Variants in RAPGEF6 observed in about 807,000 individuals in gnomAD.
The protein encoded by RAPGEF6 is Rap guanine nucleotide exchange factor 6.
A neutral mutation model predicts 171.4 loss-of-function variants in RAPGEF6; 56 were observed. The observed-to-expected ratio is 0.33, with a 90% CI of 0.26 to 0.41. The LOEUF (loss-of-function observed/expected upper bound fraction) is 0.41, where lower values mean the gene tolerates loss of function less well. RAPGEF6 is among the 10% of genes least tolerant of loss of function. RAPGEF6 has a pLI of 1.00. For synonymous variants in RAPGEF6, 692 were observed against 650.1 expected, an observed-to-expected ratio of 1.06 and a Z score of -0.98; for missense variants, 1,674 against 1,921.4, an observed-to-expected ratio of 0.87 and a Z score of 2.41.
At position 131,510,755 on chromosome 5, in the gene RAPGEF6, C is replaced by T. The variant is rs374503812; in HGVS notation, c.628-264G>A. Among the ~76,000 whole-genome samples, 7 of 152,292 alleles carry T rather than the reference C, an allele frequency of 4.6e-5. No individual in the cohort carries two copies. In the South Asian group the frequency reaches 8.3e-4, roughly 18 times the overall value. ...AAATGGTCAGGAGACTCAAACATCACTAAATGTATTAATATCTGTTTTCCA... is the reference window on the plus strand; with the variant it reads ...AAATGGTCAGGAGACTCAAACATCATTAAATGTATTAATATCTGTTTTCCA... On this transcript the variant is annotated intron_variant, in intron 7 of 27. Transcript: ENST00000509018.
chr5:131,471,741 CA>C (rs3836731), intron 17 of RAPGEF6, among the ~76,000 whole-genome samples: 33,230 of 148,518 alleles, frequency 0.22, 3,972 homozygotes, highest in East Asian at 0.5. Context: ...TGAATAGACG[CA>C]AAAAAAAAAT....
intron 1 of RAPGEF6, among the ~76,000 whole-genome samples, chr5:131,631,628 T>C (rs1297248226): frequency 6.6e-6 from 1 of 152,192 alleles, no homozygotes; most frequent in African/African-American, 2.4e-5. Context: ...CTACAGTCTA[T>C]TCTCAACACA....
chr5:131,473,323 C>G (rs911991148), intron 16 of RAPGEF6, among the ~76,000 whole-genome samples: 1 of 152,104 alleles, frequency 6.6e-6, no homozygotes, highest in East Asian at 1.9e-4. Context: ...TCTAAGGGTA[C>G]ATTATTTCTT....
In RAPGEF6 at chr5:131,431,327, G is replaced by A. The variant is rs375571719; in HGVS notation, c.3997C>T (p.Leu1333=). Residue 1333 remains leucine (L), a synonymous_variant, in exon 26 of 28, where the codon CTA becomes TTA. Coordinates refer to ENST00000509018, the MANE Select transcript of RAPGEF6 (RefSeq NM_016340.6). ...GATGAGACAGCTAAACACTTGATTA[G>A]AGATGGCTTCAAGAGTGTCCACCTA... ...GPGWTLLKPS[L]IKCLAVSSSV... is the part of the protein sequence containing the mutation. 16 of 1,606,924 alleles carry A rather than the reference G, an allele frequency of 1.0e-5. No homozygotes were observed. In the Admixed American group the frequency reaches 2.3e-4, roughly 24 times the overall value.
intron 23 of RAPGEF6, chr5:131,440,228 A>T (rs547987843): frequency 2.3e-4 from 106 of 456,412 alleles, no homozygotes; most frequent in African/African-American, 1.6e-3. Context: ...CTAAATTCAC[A>T]CTACAGGAGA....
chr5:131,611,704 T>C (rs1040207458), intron 1 of RAPGEF6, among the ~76,000 whole-genome samples: 9 of 152,192 alleles, frequency 5.9e-5, no homozygotes, highest in African/African-American at 1.9e-4. Flanking sequence ...TAGAGGCTTT[T>C]TGGTTTATTG....
At chr5:131,526,760 C>T (rs898777796) in intron 6 of RAPGEF6, among the ~76,000 whole-genome samples, 3 of 152,286 alleles carry the variant, frequency 2.0e-5, no homozygotes, top group Admixed American at 1.3e-4. Flanking sequence ...GACAAAACTT[C>T]CCATTTTCCA....
At chr5:131,499,181 G>A (rs1041193106) in intron 11 of RAPGEF6, among the ~76,000 whole-genome samples, 1 of 152,208 alleles carries the variant, frequency 6.6e-6, no homozygotes, top group Middle Eastern at 3.4e-3. Flanking sequence ...CTCTCATACA[G>A]TTTCCTCTCC....
chr5:131,488,375 G>C (rs1191225426), intron 15 of RAPGEF6, among the ~76,000 whole-genome samples: 2 of 152,172 alleles, frequency 1.3e-5, no homozygotes, highest in African/African-American at 4.8e-5. Flanking sequence ...AATAGTGCTA[G>C]AGAAACTGAA....
At chr5:131,513,355 A>C (rs933488178) in intron 7 of RAPGEF6, among the ~76,000 whole-genome samples, 1 of 152,166 alleles carries the variant, frequency 6.6e-6, no homozygotes, top group African/African-American at 2.4e-5. Context: ...TATTTTATCA[A>C]TTTTTAAGTG....
At chr5:131,522,034 T>G (rs11746464) in intron 6 of RAPGEF6, among the ~76,000 whole-genome samples, 66,513 of 152,012 alleles carry the variant, frequency 0.44, 17,627 homozygotes, top group Non-Finnish European at 0.59. Context: ...AACAAGTTGA[T>G]TACATTAAAT....
At chr5:131,628,007 C>G (rs13174592) in intron 1 of RAPGEF6, among the ~76,000 whole-genome samples, 1 of 152,034 alleles carries the variant, frequency 6.6e-6, no homozygotes, top group Non-Finnish European at 1.5e-5. Flanking sequence ...GCTGTTCCAC[C>G]TTCTCTATCT....
intron 1 of RAPGEF6, 38 bp downstream of exon 1, chr5:131,634,924 T>C: frequency 1.2e-6 from 2 of 1,611,896 alleles, no homozygotes; most frequent in Non-Finnish European, 1.7e-6. Flanking sequence ...TGCTGTCTAC[T>C]GGACTGTGAG....
chr5:131,606,952 C>G (rs1218468758), intron 1 of RAPGEF6, among the ~76,000 whole-genome samples: 1 of 152,220 alleles, frequency 6.6e-6, no homozygotes, highest in Non-Finnish European at 1.5e-5. Flanking sequence ...ACCAACCACT[C>G]AGCCAGAACC....
Position 131,508,140 on chromosome 5 carries a change from T to G in RAPGEF6, c.873A>C (p.Glu291Asp). 8 of 1,613,436 alleles carry G rather than the reference T, an allele frequency of 5.0e-6. No homozygotes were observed. The highest frequency in any genetic ancestry group is 6.8e-6 in the Non-Finnish European group (8 of 1,179,636). ...FANMTMSVRR[E>D]LCSVMIFEVV... ...CTTCAAAAATCATCACTGAGCAGAGTTCTCTCCTTACAGACATGGTCATGT... is the reference window on the plus strand; with the variant it reads ...CTTCAAAAATCATCACTGAGCAGAGGTCTCTCCTTACAGACATGGTCATGT... The change falls in exon 9 of 28, where the codon GAA becomes GAC. Residue 291 changes from glutamate to aspartate, a missense_variant. Transcript: ENST00000509018.
At chr5:131,464,531 G>C (rs950104920) in intron 17 of RAPGEF6, among the ~76,000 whole-genome samples, 1 of 150,986 alleles carries the variant, frequency 6.6e-6, no homozygotes, top group African/African-American at 2.4e-5. Flanking sequence ...TTGGAAGCCA[G>C]AATTTTTTCA....
Position 131,472,594 on chromosome 5 carries a change from A to G in RAPGEF6, c.2232T>C (p.Asn744=). Residue 744 remains asparagine, a synonymous_variant, in exon 17 of 28, where the codon AAT becomes AAC. Transcript: ENST00000509018. ...ATCACATATGAAAATTACCTGAAGGATTGGAAAAATCCAACATACTGGTGG... is the reference window on the plus strand; with the variant it reads ...ATCACATATGAAAATTACCTGAAGGGTTGGAAAAATCCAACATACTGGTGG... The part of the protein sequence containing the change: ...QPTTSMLDFS[N]PSDIPDQVIR... The G allele has an allele frequency of 6.2e-7, 1 of 1,613,826 alleles. No individual in the cohort carries two copies. The highest frequency in any genetic ancestry group is 1.1e-5 in the South Asian group (1 of 91,068).
intron 14 of RAPGEF6, among the ~76,000 whole-genome samples, chr5:131,490,129 C>T (rs955339855): frequency 1.3e-5 from 2 of 152,178 alleles, no homozygotes; most frequent in African/African-American, 4.8e-5. Flanking sequence ...CAGCAAGAAG[C>T]ACAACTGAAA....
intron 19 of RAPGEF6, among the ~76,000 whole-genome samples, chr5:131,460,020 C>T (rs1221986428): frequency 6.6e-6 from 1 of 152,094 alleles, no homozygotes; most frequent in Non-Finnish European, 1.5e-5. Flanking sequence ...AGAGTATATT[C>T]TTTGATCTAC....
Sources: allele counts gnomAD v4.1 joint callset (sites outside exome capture counted in the v4.1 genomes callset), GRCh38; gene constraint gnomAD v4.1.1; transcripts MANE v1.5; gene names NCBI Gene and HGNC (gene_info 2026-07-23, HGNC 2026-07-21).